The following SRGAP3 variants were observed in gnomAD, a reference collection of about 807,000 sequenced individuals.
SRGAP3 encodes the protein SLIT-ROBO Rho GTPase activating protein 3.
Under a neutral mutation model 121.1 loss-of-function variants are expected in SRGAP3, and 39 were observed. That is an observed-to-expected ratio of 0.32 (90% CI 0.25 to 0.42). The LOEUF is 0.42. SRGAP3 is among the 10% of genes least tolerant of loss of function. The pLI, the probability that SRGAP3 is intolerant of heterozygous loss-of-function variation, is 1.00. For missense variants in SRGAP3, 1,213 were observed against 1,470.6 expected, an observed-to-expected ratio of 0.82 and a Z score of 2.86; for synonymous variants, 601 against 570.0, an observed-to-expected ratio of 1.05 and a Z score of -0.77.
intron 1 of SRGAP3, among the ~76,000 whole-genome samples, 181 bp downstream of exon 1, chr3:9,248,704 T>C (rs369048187): frequency 6.6e-6 from 1 of 152,126 alleles, no homozygotes; most frequent in Non-Finnish European, 1.5e-5. Context: ...CCCAGCGCTA[T>C]CTGCAGTTGA....
intron 3 of SRGAP3, among the ~76,000 whole-genome samples, chr3:9,276,672 A>G (rs1033313941): frequency 3.9e-5 from 6 of 152,070 alleles, no homozygotes; most frequent in Non-Finnish European, 8.8e-5. Flanking sequence ...TGATCCGCCC[A>G]CCTTGGCCTC....
chr3:9,160,162 A>C (rs1950559215), intron 1 of SRGAP3, among the ~76,000 whole-genome samples: 2 of 152,180 alleles, frequency 1.3e-5, no homozygotes, highest in Admixed American at 1.3e-4. Context: ...GTGCAGATTA[A>C]AGAGTGAATA....
chr3:9,301,208 A>G (rs1323774025), intron 3 of SRGAP3, among the ~76,000 whole-genome samples: 1 of 152,168 alleles, frequency 6.6e-6, no homozygotes, highest in Non-Finnish European at 1.5e-5. Context: ...TTCATGGCCA[A>G]AAGATGTCAA....
At chr3:9,211,295 T>C (rs761661336) in intron 1 of SRGAP3, among the ~76,000 whole-genome samples, 1 of 152,210 alleles carries the variant, frequency 6.6e-6, no homozygotes, top group Non-Finnish European at 1.5e-5. Flanking sequence ...TCACAAGATG[T>C]ATGGAATCTC....
intron 1 of SRGAP3, among the ~76,000 whole-genome samples, chr3:9,198,603 A>G (rs758279514): frequency 9.9e-5 from 15 of 152,208 alleles, no homozygotes; most frequent in Non-Finnish European, 1.9e-4. Flanking sequence ...CAAATTAGGT[A>G]TCCAGTCCTG....
At chr3:9,306,342 A>C (rs1483394664) in intron 3 of SRGAP3, among the ~76,000 whole-genome samples, 3 of 151,752 alleles carry the variant, frequency 2.0e-5, no homozygotes, top group Non-Finnish European at 4.4e-5. Context: ...GATTGCAAAA[A>C]TTTTCTCCCA....
At chr3:9,277,425 C>T (rs114608591) in intron 3 of SRGAP3, among the ~76,000 whole-genome samples, 1,642 of 150,180 alleles carry the variant, frequency 0.011, 16 homozygotes, top group Middle Eastern at 0.027. Context: ...CATGGCAAGT[C>T]CCCATCTCTA....
chr3:9,196,675 T>C (rs1481713944), intron 1 of SRGAP3, among the ~76,000 whole-genome samples: 1 of 152,146 alleles, frequency 6.6e-6, no homozygotes, highest in Non-Finnish European at 1.5e-5. Context: ...CCAAAACAAT[T>C]TGTACAGAAT....
chr3:9,268,836 T>A (rs1954419319), intron 3 of SRGAP3, among the ~76,000 whole-genome samples: 1 of 152,170 alleles, frequency 6.6e-6, no homozygotes, highest in Non-Finnish European at 1.5e-5. Context: ...TTGCACTACG[T>A]CACACTGCAT....
chr3:9,202,735 T>G (rs1191585938), intron 1 of SRGAP3, among the ~76,000 whole-genome samples: 1 of 152,238 alleles, frequency 6.6e-6, no homozygotes, highest in Non-Finnish European at 1.5e-5. Flanking sequence ...TGGGACTCTG[T>G]GCCTCGCAGC....
At chr3:9,198,217 A>C (rs1190671614) in intron 1 of SRGAP3, among the ~76,000 whole-genome samples, 1 of 152,240 alleles carries the variant, frequency 6.6e-6, no homozygotes, top group Non-Finnish European at 1.5e-5. Context: ...TTTCCAAAAA[A>C]GTTGAACATT....
At chr3:9,164,199 G>C (rs1380560240) in intron 1 of SRGAP3, among the ~76,000 whole-genome samples, 4 of 151,354 alleles carry the variant, frequency 2.6e-5, no homozygotes, top group Admixed American at 1.3e-4. Context: ...GTTTCTCCAT[G>C]TTGGTCAGGC....
chr3:9,356,199 T>C (rs71314340), intron 1 of SRGAP3, among the ~76,000 whole-genome samples: 12,145 of 142,974 alleles, frequency 0.085, 582 homozygotes, highest in Admixed American at 0.16. Flanking sequence ...TTTCTTTTTT[T>C]TTTTTTTTTT....
At chr3:9,147,228 G>A (rs1252419746) in intron 1 of SRGAP3, among the ~76,000 whole-genome samples, 1 of 152,168 alleles carries the variant, frequency 6.6e-6, no homozygotes, top group Non-Finnish European at 1.5e-5. Flanking sequence ...CTTTCTGGAA[G>A]TCAGAGCCTG....
chr3:9,026,498 C>T (rs1208147621), intron 13 of SRGAP3, among the ~76,000 whole-genome samples: 4 of 152,166 alleles, frequency 2.6e-5, no homozygotes, highest in Non-Finnish European at 5.9e-5. Flanking sequence ...GTTAACAAAT[C>T]CCAGACATCA....
intron 1 of SRGAP3, chr3:9,192,751 C>T (rs1163073738): frequency 6.6e-6 from 1 of 152,200 alleles, no homozygotes; most frequent in Non-Finnish European, 1.5e-5. Context: ...GGACCCCCAT[C>T]ACAGAGAGTC....
chr3:9,236,449 GGCTGGTGGGA>G (rs1329948909), intron 1 of SRGAP3, among the ~76,000 whole-genome samples: 13 of 59,860 alleles, frequency 2.2e-4, no homozygotes, highest in Non-Finnish European at 5.0e-4. Flanking sequence ...TGGAGGTGGG[GGCTGGTGGGA>G]GGTGATTGGA....
At chr3:9,181,211 G>A (rs1472365037) in intron 1 of SRGAP3, among the ~76,000 whole-genome samples, 1 of 152,194 alleles carries the variant, frequency 6.6e-6, no homozygotes, top group Non-Finnish European at 1.5e-5. Flanking sequence ...GTGCTGCACA[G>A]GTGGGTGGCA....
At chr3:9,121,488 A>T (rs1226344786) in intron 2 of SRGAP3, among the ~76,000 whole-genome samples, 1 of 152,144 alleles carries the variant, frequency 6.6e-6, no homozygotes, top group Admixed American at 6.5e-5. Context: ...CACTTCCAGA[A>T]GCGGAGACGG....
Sources: allele counts gnomAD v4.1 joint callset (sites outside exome capture counted in the v4.1 genomes callset), GRCh38; gene constraint gnomAD v4.1.1; transcripts MANE v1.5; gene names NCBI Gene and HGNC (gene_info 2026-07-23, HGNC 2026-07-21).